The following RPS6KA5 variants were observed in gnomAD, a reference collection of about 807,000 sequenced individuals.
The protein encoded by RPS6KA5 is ribosomal protein S6 kinase A5.
In RPS6KA5, 27 loss-of-function variants were observed where a neutral mutation model predicts 85.5. The ratio of observed to expected loss-of-function variants is 0.32; its 90% CI spans 0.23 to 0.44. RPS6KA5 has a LOEUF of 0.44. Ranked by LOEUF, RPS6KA5 falls within the 20% of genes least tolerant of loss-of-function variation. RPS6KA5 has a pLI of 1.00. For missense variants in RPS6KA5, 811 were observed against 980.9 expected (o/e 0.83, Z 2.31); for synonymous variants, 334 against 348.2 (o/e 0.96, Z 0.46).
In RPS6KA5 at chr14:90,863,302, C is replaced by CAAAAAAAAAAAAAAAAAA. The variant is rs61230626; in HGVS notation, c.*8754_*8771dup. ...TGGGTGGCAGAGCGAGACTCCGTCT[C>CAAAAAAAAAAAAAAAAAA]AAAAAAAAAAAAAAAAAAAAAAAAA... On this transcript the variant is annotated 3_prime_UTR_variant, in exon 17 of 17. Transcript: ENST00000614987. 4.0e-5 allele frequency: 1 copy of CAAAAAAAAAAAAAAAAAA among 24,790 alleles called. No homozygotes were observed. The highest frequency in any genetic ancestry group is 8.7e-5 in the Non-Finnish European group (1 of 11,454). The allele number at this position is 24,790 out of a possible 1,614,324, so 1.5% of individuals were successfully genotyped here.
intron 1 of RPS6KA5, among the ~76,000 whole-genome samples, chr14:91,017,946 T>A (rs770279155): frequency 1.4e-4 from 21 of 152,182 alleles, no homozygotes; most frequent in Non-Finnish European, 2.2e-4. Context: ...GAACTGCTAC[T>A]CCACAATAAA....
intron 3 of RPS6KA5, among the ~76,000 whole-genome samples, chr14:90,974,175 A>C (rs1032010551): frequency 2.0e-5 from 3 of 152,162 alleles, no homozygotes; most frequent in African/African-American, 7.2e-5. Context: ...AATTGGGAAA[A>C]ATCGGATAAT....
intron 1 of RPS6KA5, chr14:91,059,903 C>T (rs1212731587): frequency 1.9e-5 from 8 of 418,576 alleles, no homozygotes; most frequent in Non-Finnish European, 2.6e-5. Flanking sequence ...GACCCCCCAT[C>T]GCGGGGACCA....
At position 90,862,185 on chromosome 14, in the gene RPS6KA5, TTAACTG is replaced by T. The variant is rs2032588376; in HGVS notation, c.*9883_*9888del. ...AGACTTAAAACCAATAATAATTACA[TTAACTG>T]TAAGTAGACAAGATATATTCCAATT... On this transcript the variant is annotated 3_prime_UTR_variant, in exon 17 of 17. Transcript: ENST00000614987. 2 of 152,184 alleles carry T rather than the reference TTAACTG, an allele frequency of 1.3e-5. No individual in the cohort carries two copies. The allele number at this position is 152,184 out of a possible 1,614,324, so 9.4% of individuals were successfully genotyped here.
intron 5 of RPS6KA5, among the ~76,000 whole-genome samples, chr14:90,942,618 T>A (rs1042845416): frequency 1.3e-5 from 2 of 152,196 alleles, no homozygotes; most frequent in Admixed American, 6.5e-5. Context: ...GCAATATTAT[T>A]TAAAAATTGG....
chr14:91,011,029 A>AGCTTGGCCAAG (rs2139743775), intron 1 of RPS6KA5, among the ~76,000 whole-genome samples: 1 of 152,332 alleles, frequency 6.6e-6, no homozygotes, highest in South Asian at 2.1e-4. Flanking sequence ...CTCAGCAGTC[A>AGCTTGGCCAAG]GCTTGGCCAA....
At chr14:90,902,766 G>C (rs781746657) in intron 9 of RPS6KA5, 42 bp downstream of exon 9, 2 of 1,550,786 alleles carry the variant, frequency 1.3e-6, no homozygotes, top group Non-Finnish European at 1.8e-6. Context: ...TTCTTTCAAA[G>C]GACATATGGC....
intron 5 of RPS6KA5, among the ~76,000 whole-genome samples, chr14:90,941,380 C>T (rs950442354): frequency 4.6e-5 from 7 of 152,154 alleles, no homozygotes; most frequent in African/African-American, 1.7e-4. Context: ...TCAGAGAAAA[C>T]TCCTCCAGAC....
intron 8 of RPS6KA5, among the ~76,000 whole-genome samples, chr14:90,904,292 C>A (rs982840308): frequency 1.3e-5 from 2 of 152,144 alleles, no homozygotes; most frequent in Non-Finnish European, 2.9e-5. Context: ...AGCCACTGCG[C>A]CTGGCCCATA....
At chr14:90,956,221 G>A (rs1255591014) in intron 3 of RPS6KA5, among the ~76,000 whole-genome samples, 3 of 151,892 alleles carry the variant, frequency 2.0e-5, no homozygotes, top group Non-Finnish European at 4.4e-5. Context: ...GATAATGAGG[G>A]ATAATGATAT....
At chr14:90,962,523 G>T (rs1306652905) in intron 3 of RPS6KA5, among the ~76,000 whole-genome samples, 1 of 151,792 alleles carries the variant, frequency 6.6e-6, no homozygotes, top group African/African-American at 2.4e-5. Flanking sequence ...CTGACTTCAG[G>T]TGATCTGCCC....
intron 12 of RPS6KA5, among the ~76,000 whole-genome samples, chr14:90,896,976 C>A (rs1167232787): frequency 6.6e-6 from 1 of 152,064 alleles, no homozygotes; most frequent in Non-Finnish European, 1.5e-5. Context: ...ACCTGCCTCA[C>A]CTTCCCAAAG....
chr14:91,056,881 T>TTTTC (rs2043343705), intron 1 of RPS6KA5, among the ~76,000 whole-genome samples: 1 of 132,780 alleles, frequency 7.5e-6, no homozygotes, highest in Admixed American at 7.6e-5. Context: ...TTTTTTTTTT[T>TTTTC]TTTTTTTTTT....
chr14:90,923,320 T>G, intron 5 of RPS6KA5, 124 bp from the exon 6 acceptor site: 2 of 715,406 alleles, frequency 2.8e-6, no homozygotes, highest in Non-Finnish European at 4.9e-6. Context: ...AGAATCTACT[T>G]GACAGACCCA....
intron 2 of RPS6KA5, among the ~76,000 whole-genome samples, chr14:91,000,062 T>C (rs1414907634): frequency 6.6e-6 from 1 of 150,818 alleles, no homozygotes; most frequent in Non-Finnish European, 1.5e-5. Context: ...CCTCCCAAAG[T>C]GCCTCCCAAA....
intron 1 of RPS6KA5, among the ~76,000 whole-genome samples, chr14:91,025,622 G>A (rs1467641370): frequency 6.6e-6 from 1 of 151,778 alleles, no homozygotes; most frequent in Non-Finnish European, 1.5e-5. Flanking sequence ...TACAATATCT[G>A]TCCTTGCTCA....
intron 1 of RPS6KA5, among the ~76,000 whole-genome samples, chr14:91,043,373 C>A (rs1465101958): frequency 6.6e-6 from 1 of 152,100 alleles, no homozygotes; most frequent in Non-Finnish European, 1.5e-5. Context: ...TAATCTGCAA[C>A]CCAGACCTCT....
Position 90,916,443 on chromosome 14 carries a change from C to T in RPS6KA5, c.806+3763G>A, listed in dbSNP as rs951607253. Among the ~76,000 whole-genome samples, 16 of 152,108 alleles carry T rather than the reference C, an allele frequency of 1.1e-4. No individual in the cohort carries two copies. The East Asian group carries it at 2.5e-3, about 24-fold the overall frequency. ...AATAATACATTACTTTGAACCATTT[C>T]AAACAAAAAATACGGAAAGTATGCA... On this transcript the variant is annotated intron_variant, in intron 7 of 16. Coordinates refer to ENST00000614987, the MANE Select transcript of RPS6KA5 (RefSeq NM_004755.4).
intron 6 of RPS6KA5, 72 bp from the exon 7 acceptor site, chr14:90,920,381 A>C (rs1189059482): frequency 9.5e-7 from 1 of 1,053,694 alleles, no homozygotes; most frequent in African/African-American, 1.6e-5. Context: ...AAAAATGAAT[A>C]AAAGCTATCT....
Sources: allele counts gnomAD v4.1 joint callset (sites outside exome capture counted in the v4.1 genomes callset), GRCh38; gene constraint gnomAD v4.1.1; transcripts MANE v1.5; gene names NCBI Gene and HGNC (gene_info 2026-07-23, HGNC 2026-07-21).